PRRG4: variants seen among roughly 807,000 people sequenced by gnomAD.
PRRG4 encodes the protein transmembrane gamma-carboxyglutamic acid protein 4.
A neutral mutation model predicts 20.0 loss-of-function variants in PRRG4; 12 were observed. The observed-to-expected ratio is 0.60, with a 90% CI of 0.38 to 0.97. The LOEUF (loss-of-function observed/expected upper bound fraction) is 0.97, where lower values mean the gene tolerates loss of function less well. Among genes scored for constraint, PRRG4 ranks in the 50% least tolerant of loss-of-function variants. The probability of loss-of-function intolerance (pLI) is 0.00; values close to 1 mark genes in which losing one functional copy is unlikely to be tolerated. For missense variants in PRRG4, 199 were observed against 265.1 expected, an observed-to-expected ratio of 0.75 and a Z score of 1.73; for synonymous variants, 94 against 96.4, an observed-to-expected ratio of 0.98 and a Z score of 0.15.
chr11:32,831,135 T>C (rs1415555805), intron 2 of PRRG4, among the ~76,000 whole-genome samples: 4 of 152,160 alleles, frequency 2.6e-5, no homozygotes, highest in Non-Finnish European at 5.9e-5. Flanking sequence ...TCTAGTTGTC[T>C]AGATAAAAGC....
intron 1 of PRRG4, 41 bp from the exon 2 acceptor site, chr11:32,830,467 A>C: frequency 4.2e-5 from 54 of 1,285,122 alleles, no homozygotes; most frequent in Non-Finnish European, 5.1e-5. Flanking sequence ...GTGCTGAGCT[A>C]GGGGCCTTTT....
rs1249904969 is a variant in PRRG4, at chr11:32,855,296, G to A, written c.*1769G>A. On this transcript the variant is annotated 3_prime_UTR_variant, in exon 6 of 6. Transcript: ENST00000257836. The stretch of plus-strand genomic sequence containing the variant: ...CAAATTTATCTGGGTGGGTATGTAG[G>A]TATATGTGAGTTTGTTTCCTCTTCC... The A allele has an allele frequency of 6.6e-6, 1 of 152,044 alleles. No individual in the cohort carries two copies. Among genetic ancestry groups the A allele is most frequent in the Non-Finnish European group, 1.5e-5 (1 of 68,004 alleles). The allele number at this position is 152,044 out of a possible 1,614,324, so 9.4% of individuals were successfully genotyped here. A position where few individuals can be genotyped will look rare whatever the true frequency, so the allele number is the denominator to read the frequency against.
In PRRG4 at chr11:32,853,621, A is replaced by T; in HGVS notation, c.*94A>T. On this transcript the variant is annotated 3_prime_UTR_variant, in exon 6 of 6. Transcript: ENST00000257836. ...AATCCCAGCACTTTGGGAGGCCAGGAGTTCGAGACCAGCCTGGCCAACATG... is the reference window on the plus strand; with the variant it reads ...AATCCCAGCACTTTGGGAGGCCAGGTGTTCGAGACCAGCCTGGCCAACATG... 1 of 973,630 alleles carries T rather than the reference A, an allele frequency of 1.0e-6. No individual in the cohort carries two copies. Among genetic ancestry groups the T allele is most frequent in the Non-Finnish European group, 1.6e-6 (1 of 637,690 alleles). 60.3% of individuals were successfully genotyped at this position (973,630 alleles called of 1,614,324 possible).
intron 5 of PRRG4, among the ~76,000 whole-genome samples, chr11:32,850,897 C>A (rs1851177013): frequency 6.6e-6 from 1 of 152,050 alleles, no homozygotes. Context: ...TGGTGAAAAC[C>A]AGTCTCTACT....
At chr11:32,833,817 A>G (rs2133437836) in intron 2 of PRRG4, among the ~76,000 whole-genome samples, 1 of 152,322 alleles carries the variant, frequency 6.6e-6, no homozygotes, top group East Asian at 1.9e-4. Context: ...GAGTGGTAAC[A>G]AATAAGTAAA....
chr11:32,853,302 A>T lies in PRRG4; in HGVS notation c.456A>T (p.Ser152=). 6.2e-7 allele frequency: 1 copy of T among 1,613,284 alleles called. No individual in the cohort carries two copies. Among genetic ancestry groups the T allele is most frequent in the Non-Finnish European group, 8.5e-7 (1 of 1,179,278 alleles). ...ATGTTGTCTCTCTGCTTAGCTCTTC[A>T]GCCGTCTATGAAAGGGGGAGGCACA... ...KCNRLQHPCS[S]AVYERGRHTP... Residue 152 remains serine, a synonymous_variant, in exon 6 of 6, where the codon TCA becomes TCT. Coordinates refer to ENST00000257836, the MANE Select transcript of PRRG4 (RefSeq NM_024081.6).
rs185862403 is a variant in PRRG4, at chr11:32,854,506, C to T, written c.*979C>T. On this transcript the variant is annotated 3_prime_UTR_variant, in exon 6 of 6. Coordinates refer to ENST00000257836, the MANE Select transcript of PRRG4 (RefSeq NM_024081.6). ...TCGGGAGGTGGAGGTTGTAGTGAGG[C>T]GAGATTGTGCCATTGCACTCCAACC... 8.0e-5 allele frequency: 11 copies of T among 138,210 alleles called. 1 individual carries two copies. In the East Asian group the frequency reaches 2.1e-3, roughly 27 times the overall value. The allele number at this position is 138,210 out of a possible 1,614,324, so 8.6% of individuals were successfully genotyped here.
Position 32,836,044 on chromosome 11 carries a change from G to A in PRRG4, c.104-614G>A, listed in dbSNP as rs568454223. Among the ~76,000 whole-genome samples the A allele has an allele frequency of 3.8e-4, 58 of 152,260 alleles. 1 individual carries two copies. Among genetic ancestry groups the A allele is most frequent in the Admixed American group, 1.6e-3 (25 of 15,290 alleles). On this transcript the variant is annotated intron_variant, in intron 2 of 5. Transcript: ENST00000257836. ...TTGAACCCAGGAGGCGGAGATTGCA[G>A]TGAGCTGAGACTGTGCCATTGCACT...
At position 32,830,075 on chromosome 11, in the gene PRRG4, T is replaced by G; in HGVS notation, c.-121T>G. Reference sequence around the variant, plus strand: ...AGCGAGGCCCGGAGCGTCGCCGAGGTTTGAGGGCGCCGGAGACCGAGGGCC... The same window carrying G: ...AGCGAGGCCCGGAGCGTCGCCGAGGGTTGAGGGCGCCGGAGACCGAGGGCC... On this transcript the variant is annotated 5_prime_UTR_variant, in exon 1 of 6. Transcript: ENST00000257836. 1.0e-6 allele frequency: 1 copy of G among 988,376 alleles called. No homozygotes were observed. The highest frequency in any genetic ancestry group is 1.1e-4 in the East Asian group (1 of 8,958). The allele number at this position is 988,376 out of a possible 1,614,324, so 61.2% of individuals were successfully genotyped here. A position where few individuals can be genotyped will look rare whatever the true frequency, so the allele number is the denominator to read the frequency against.
At chr11:32,839,001 T>C in intron 4 of PRRG4, 71 bp downstream of exon 4, 1 of 1,187,010 alleles carries the variant, frequency 8.4e-7, no homozygotes, top group South Asian at 1.3e-5. Context: ...TTAGTTTTAT[T>C]GTTTGAGTTT....
intron 5 of PRRG4, among the ~76,000 whole-genome samples, chr11:32,848,130 T>A (rs1213740498): frequency 6.6e-6 from 1 of 152,230 alleles, no homozygotes; most frequent in Non-Finnish European, 1.5e-5. Flanking sequence ...GCAGGTTGTA[T>A]GTCTCATAAG....
In PRRG4 at chr11:32,839,096, T is replaced by G. The variant is rs555641122; in HGVS notation, c.316+166T>G. Among the ~76,000 whole-genome samples, 3 of 152,302 alleles carry G rather than the reference T, an allele frequency of 2.0e-5. No homozygotes were observed. The South Asian group carries it at 6.2e-4, about 32-fold the overall frequency. On this transcript the variant is annotated intron_variant, in intron 4 of 5. Transcript: ENST00000257836. ...GCTATCTCAGACAGAAAAGGACAGA[T>G]TCATCTATTTAATACACTGAAAATC...
chr11:32,846,477 T>C (rs1298974019), intron 5 of PRRG4, among the ~76,000 whole-genome samples: 1 of 152,184 alleles, frequency 6.6e-6, no homozygotes, highest in Non-Finnish European at 1.5e-5. Context: ...TTTTTGAGAA[T>C]GTGGTAATAT....
intron 1 of PRRG4, 111 bp downstream of exon 1, chr11:32,830,284 G>A: frequency 3.3e-6 from 3 of 907,242 alleles, no homozygotes; most frequent in Non-Finnish European, 4.3e-6. Context: ...GCGGCGACAG[G>A]TGCCCGATCA....
chr11:32,833,634 C>A (rs557249471), intron 2 of PRRG4, among the ~76,000 whole-genome samples: 1 of 152,308 alleles, frequency 6.6e-6, no homozygotes, highest in African/African-American at 2.4e-5. Context: ...AGCTGAGAAA[C>A]ACCAGACTAT....
At chr11:32,830,439 G>T (rs1031945313) in intron 1 of PRRG4, 69 bp from the exon 2 acceptor site, 2 of 1,217,760 alleles carry the variant, frequency 1.6e-6, no homozygotes, top group Admixed American at 3.2e-5. Context: ...TGGTGATTCA[G>T]TTCGACAGAA....
chr11:32,849,900 A>T (rs1261684831), intron 5 of PRRG4, among the ~76,000 whole-genome samples: 2 of 152,212 alleles, frequency 1.3e-5, no homozygotes, highest in African/African-American at 2.4e-5. Context: ...CCTATAAAAA[A>T]TTTGAGAAGT....
At chr11:32,838,219 G>A (rs1851042090) in intron 3 of PRRG4, among the ~76,000 whole-genome samples, 1 of 152,072 alleles carries the variant, frequency 6.6e-6, no homozygotes, top group Non-Finnish European at 1.5e-5. Flanking sequence ...CACTTTGCGG[G>A]GCAGAGGTGG....
At chr11:32,853,155 G>T in intron 5 of PRRG4, 141 bp from the exon 6 acceptor site, 1 of 633,202 alleles carries the variant, frequency 1.6e-6, no homozygotes. Flanking sequence ...AAGACTTTCA[G>T]AGTCTGGGGG....
Sources: gnomAD v4.1 joint callset for allele counts (sites outside exome capture counted in the v4.1 genomes callset) on GRCh38, gnomAD v4.1.1 for gene constraint, MANE v1.5 for transcripts, NCBI Gene and HGNC (gene_info 2026-07-23, HGNC 2026-07-21) for gene names.